SLC13A3: variants seen among roughly 807,000 people sequenced by gnomAD.
SLC13A3 encodes the protein solute carrier family 13 member 3.
SLC13A3 carries 40 observed loss-of-function variants against 59.0 expected under a neutral mutation model. The observed-to-expected ratio is 0.68, with a 90% CI of 0.53 to 0.88. The LOEUF is 0.88. SLC13A3 is among the 40% of genes least tolerant of loss of function. The probability of loss-of-function intolerance (pLI) is 0.00; values close to 1 mark genes in which losing one functional copy is unlikely to be tolerated. For missense variants in SLC13A3, 699 were observed against 783.2 expected (o/e 0.89, Z 1.28); for synonymous variants, 317 against 330.3 (o/e 0.96, Z 0.44).
chr20:46,641,138 G>GTCTT (rs1408681391), intron 1 of SLC13A3, among the ~76,000 whole-genome samples: 1 of 152,180 alleles, frequency 6.6e-6, no homozygotes, highest in African/African-American at 2.4e-5. Context: ...CTGGGCCTCA[G>GTCTT]TCTTCCCAGC....
upstream of SLC13A3, among the ~76,000 whole-genome samples, chr20:46,655,296 CAT>C (rs1187897707): frequency 6.6e-6 from 1 of 150,432 alleles, no homozygotes; most frequent in Non-Finnish European, 1.5e-5. Context: ...CATATATACA[CAT>C]ATATACACAC....
At chr20:46,575,349 C>T (rs183181374) in intron 10 of SLC13A3, among the ~76,000 whole-genome samples, 1 of 152,288 alleles carries the variant, frequency 6.6e-6, no homozygotes, top group East Asian at 1.9e-4. Context: ...ATATTTTGCC[C>T]ATCATGAGCT....
chr20:46,607,728 T>A (rs1600552284), intron 3 of SLC13A3, among the ~76,000 whole-genome samples: 1 of 152,108 alleles, frequency 6.6e-6, no homozygotes, highest in Admixed American at 6.6e-5. Context: ...TTGGAAAAAG[T>A]CTCATGTGGG....
intron 1 of SLC13A3, among the ~76,000 whole-genome samples, chr20:46,617,002 T>A (rs1037489795): frequency 6.6e-6 from 1 of 152,236 alleles, no homozygotes. Flanking sequence ...TCCTGCTTCA[T>A]GTTCTTTTAT....
chr20:46,560,191 G>T lies in SLC13A3; in HGVS notation c.1640C>A (p.Thr547Lys). ...ACCCATCAGGTTCATCAGGAGGCCTGTCCGCACCTGAAATAGAGCCCAGAC... is the reference window on the plus strand; with the variant it reads ...ACCCATCAGGTTCATCAGGAGGCCTTTCCGCACCTGAAATAGAGCCCAGAC... ...GHLLVKDMVR[T>K]GLLMNLMGVL... is the part of the protein sequence containing the mutation. Residue 547 changes from threonine to lysine, a missense_variant, in exon 13 of 13, where the codon ACA becomes AAA. Transcript: ENST00000279027. 2.5e-6 allele frequency: 4 copies of T among 1,614,112 alleles called. No individual in the cohort carries two copies. The highest frequency in any genetic ancestry group is 3.4e-6 in the Non-Finnish European group (4 of 1,180,010).
In SLC13A3 at chr20:46,663,317, C is replaced by T. The variant is rs149417918; in HGVS notation, c.-31+6726G>A. On this transcript the variant is annotated intron_variant, in intron 1 of 12. Transcript: ENST00000290317. ...AAAATTAGCAGGCCATGGTGGTGCA[C>T]GCCTGTAGTCTCAGCTACTCGAGAG... 1.9e-3 allele frequency among the ~76,000 whole-genome samples: 284 copies of T among 151,772 alleles called. 9 individuals carry two copies. The East Asian group carries it at 0.026, about 14-fold the overall frequency.
At position 46,627,870 on chromosome 20, in the gene SLC13A3, T is replaced by C. The variant is rs1476479859; in HGVS notation, c.112-14145A>G. On this transcript the variant is annotated intron_variant, in intron 1 of 12. Transcript: ENST00000279027. The stretch of plus-strand genomic sequence containing the variant: ...CATTTTAAAATCCCCATTTTACAGA[T>C]ATAAACTGAGGTCTGGAGAGGAGGT... Among the ~76,000 whole-genome samples the C allele has an allele frequency of 7.9e-5, 12 of 152,324 alleles. No individual in the cohort carries two copies. In the East Asian group the frequency reaches 2.3e-3, roughly 29 times the overall value.
At chr20:46,627,041 C>G (rs949234077) in intron 1 of SLC13A3, among the ~76,000 whole-genome samples, 3 of 152,212 alleles carry the variant, frequency 2.0e-5, no homozygotes, top group Non-Finnish European at 4.4e-5. Context: ...AGCCACTTAT[C>G]ACTAGCTGAA....
intron 9 of SLC13A3, among the ~76,000 whole-genome samples, chr20:46,580,885 T>C (rs1328195361): frequency 6.6e-6 from 1 of 152,138 alleles, no homozygotes; most frequent in Non-Finnish European, 1.5e-5. Flanking sequence ...GAAGTTACCA[T>C]CCCTTTTCAT....
intron 1 of SLC13A3, among the ~76,000 whole-genome samples, chr20:46,680,373 T>G (rs1384408495): frequency 1.3e-5 from 2 of 152,248 alleles, no homozygotes; most frequent in Admixed American, 1.3e-4. Context: ...ATTGTCACCA[T>G]GTGCCATGCA....
intron 1 of SLC13A3, among the ~76,000 whole-genome samples, chr20:46,635,157 C>T (rs566720124): frequency 1.3e-5 from 2 of 152,298 alleles, no homozygotes; most frequent in South Asian, 2.1e-4. Context: ...ACTTGCCATG[C>T]TCCCACCCTT....
In SLC13A3 at chr20:46,651,297, G is replaced by A; in HGVS notation, c.111+14C>T. On this transcript the variant is annotated intron_variant, in intron 1 of 12. Coordinates refer to ENST00000279027, the MANE Select transcript of SLC13A3 (RefSeq NM_022829.6). ...TGTGGTTGACCGGGGGCGCACAGGC[G>A]GAGGAGGCGTTACCTTGGGCGGGAG... The A allele has an allele frequency of 1.3e-6, 2 of 1,482,916 alleles. No individual in the cohort carries two copies. The highest frequency in any genetic ancestry group is 1.8e-6 in the Non-Finnish European group (2 of 1,117,776). 91.9% of individuals were successfully genotyped at this position (1,482,916 alleles called of 1,614,324 possible). A position where few individuals can be genotyped will look rare whatever the true frequency, so the allele number is the denominator to read the frequency against.
At chr20:46,605,827 G>A (rs1206100777) in intron 3 of SLC13A3, among the ~76,000 whole-genome samples, 4 of 152,150 alleles carry the variant, frequency 2.6e-5, no homozygotes, top group Non-Finnish European at 4.4e-5. Flanking sequence ...GACACGAAGA[G>A]GGCCCTCAGG....
At chr20:46,589,364 C>T (rs958507278) in intron 6 of SLC13A3, 109 bp from the exon 7 acceptor site, 2 of 797,128 alleles carry the variant, frequency 2.5e-6, no homozygotes, top group Non-Finnish European at 4.2e-6. Context: ...GTCCGGGAGG[C>T]TGCAACTGCC....
chr20:46,647,170 C>T (rs2065924676), intron 1 of SLC13A3, among the ~76,000 whole-genome samples: 1 of 152,150 alleles, frequency 6.6e-6, no homozygotes, highest in Non-Finnish European at 1.5e-5. Context: ...GCCTTACTTG[C>T]CTCCTCAAGC....
At chr20:46,604,691 G>T (rs1189598340) in intron 3 of SLC13A3, among the ~76,000 whole-genome samples, 1 of 152,118 alleles carries the variant, frequency 6.6e-6, no homozygotes, top group Non-Finnish European at 1.5e-5. Flanking sequence ...CCCCTGCAGG[G>T]GCCTGAAGAT....
chr20:46,609,707 ATTC>A (rs761434338), intron 3 of SLC13A3, among the ~76,000 whole-genome samples: 17 of 152,204 alleles, frequency 1.1e-4, no homozygotes, highest in Non-Finnish European at 2.5e-4. Context: ...TGGTTCACTA[ATTC>A]TTCTCTCTTT....
At chr20:46,651,037 G>A (rs191180778) in intron 1 of SLC13A3, among the ~76,000 whole-genome samples, 1 of 152,286 alleles carries the variant, frequency 6.6e-6, no homozygotes, top group East Asian at 1.9e-4. Context: ...TGGGTGACCG[G>A]CGAGAACCTG....
At chr20:46,667,187 C>T (rs987782574) in intron 1 of SLC13A3, among the ~76,000 whole-genome samples, 4 of 152,142 alleles carry the variant, frequency 2.6e-5, no homozygotes, top group Non-Finnish European at 4.4e-5. Flanking sequence ...TCATCAAAGG[C>T]TCCAGACAAC....
Sources: allele counts gnomAD v4.1 joint callset (sites outside exome capture counted in the v4.1 genomes callset), GRCh38; gene constraint gnomAD v4.1.1; transcripts MANE v1.5; gene names NCBI Gene and HGNC (gene_info 2026-07-23, HGNC 2026-07-21).